Variants in CTNNA3 observed in about 807,000 individuals in gnomAD.
CTNNA3 encodes the protein catenin alpha-3.
A neutral mutation model predicts 95.7 loss-of-function variants in CTNNA3; 76 were observed. The observed-to-expected ratio is 0.79, with a 90% CI of 0.66 to 0.96. The LOEUF (loss-of-function observed/expected upper bound fraction) is 0.96. Ranked by LOEUF, CTNNA3 falls within the 40% of genes least tolerant of loss-of-function variation. The pLI is 0.00. For missense variants in CTNNA3, 1,191 were observed against 1,089.8 expected (o/e 1.09, Z -1.31); for synonymous variants, 431 against 374.4 (o/e 1.15, Z -1.74).
At chr10:67,279,683 C>G (rs1211448403) in intron 5 of CTNNA3, among the ~76,000 whole-genome samples, 1 of 150,354 alleles carries the variant, frequency 6.7e-6, no homozygotes, top group African/African-American at 2.5e-5. Context: ...GCTGACTCAG[C>G]CTTCAGCTTA....
intron 13 of CTNNA3, among the ~76,000 whole-genome samples, chr10:66,272,897 C>A (rs945538157): frequency 6.6e-6 from 1 of 152,096 alleles, no homozygotes; most frequent in South Asian, 2.1e-4. Context: ...GCCATCAGTC[C>A]GAACACATTT....
chr10:66,690,530 G>T, intron 9 of CTNNA3, among the ~76,000 whole-genome samples: 1 of 146,812 alleles, frequency 6.8e-6, no homozygotes, highest in African/African-American at 2.5e-5. Flanking sequence ...CTGTGTCCAC[G>T]TGTTCTCATC....
At chr10:67,236,026 G>T (rs1274860887) in intron 5 of CTNNA3, among the ~76,000 whole-genome samples, 1 of 145,932 alleles carries the variant, frequency 6.9e-6, no homozygotes, top group African/African-American at 2.6e-5. Context: ...TGCTGGAGAG[G>T]ATGTGGAGAA....
chr10:67,026,056 A>G (rs1480044538), intron 7 of CTNNA3, among the ~76,000 whole-genome samples: 1 of 149,938 alleles, frequency 6.7e-6, no homozygotes, highest in East Asian at 2.0e-4. Context: ...GGAATTGAAC[A>G]ATGAGAACAC....
intron 13 of CTNNA3, among the ~76,000 whole-genome samples, chr10:66,144,225 T>C (rs1346215808): frequency 6.6e-6 from 1 of 152,218 alleles, no homozygotes; most frequent in Non-Finnish European, 1.5e-5. Flanking sequence ...TCATGCATTT[T>C]TTCTTAAATT....
chr10:66,979,512 G>A (rs1378072024), intron 7 of CTNNA3, among the ~76,000 whole-genome samples: 3 of 152,126 alleles, frequency 2.0e-5, no homozygotes, highest in South Asian at 2.1e-4. Flanking sequence ...GGCCCAGGGT[G>A]CAGACTCAGG....
At chr10:67,137,339 T>C (rs1475842302) in intron 7 of CTNNA3, among the ~76,000 whole-genome samples, 1 of 152,202 alleles carries the variant, frequency 6.6e-6, no homozygotes, top group African/African-American at 2.4e-5. Flanking sequence ...CTTGGATTGC[T>C]CTTACACAGT....
rs1323106789 is a variant in CTNNA3, at chr10:66,427,206, T to C, written c.1532-47854A>G. 3.3e-5 allele frequency among the ~76,000 whole-genome samples: 5 copies of C among 151,974 alleles called. No individual in the cohort carries two copies. The South Asian group carries it at 1.0e-3, about 32-fold the overall frequency. ...CTGAGAAAATTTTGAATCATGGAGG[T>C]AAACACAAGCAAAAACTCCACATTG... On this transcript the variant is annotated intron_variant, in intron 11 of 17. Coordinates refer to ENST00000433211, the MANE Select transcript of CTNNA3 (RefSeq NM_013266.4).
intron 15 of CTNNA3, among the ~76,000 whole-genome samples, chr10:66,057,312 C>G (rs1032469721): frequency 1.3e-5 from 2 of 152,168 alleles, no homozygotes; most frequent in Non-Finnish European, 2.9e-5. Context: ...TCACACGATA[C>G]AGAACCGGTC....
At chr10:66,061,984 T>A (rs7900530) in intron 15 of CTNNA3, among the ~76,000 whole-genome samples, 93,305 of 151,952 alleles carry the variant, frequency 0.61, 28,701 homozygotes, top group East Asian at 0.71. Flanking sequence ...CAGGGTAAAG[T>A]CTTGTTGTAC....
At chr10:67,739,688 G>C (rs867671136) in intron 1 of CTNNA3, among the ~76,000 whole-genome samples, 217 of 152,136 alleles carry the variant, frequency 1.4e-3, no homozygotes, top group Middle Eastern at 0.01. Context: ...ACATTCCATG[G>C]TCATGGATAG....
intron 5 of CTNNA3, among the ~76,000 whole-genome samples, chr10:67,232,660 A>C (rs1314756421): frequency 1.3e-5 from 2 of 151,766 alleles, no homozygotes; most frequent in Non-Finnish European, 2.9e-5. Context: ...ACACATAACA[A>C]TATTAACTTT....
At chr10:67,604,022 ATACT>A (rs1416231771) in intron 3 of CTNNA3, among the ~76,000 whole-genome samples, 2 of 152,176 alleles carry the variant, frequency 1.3e-5, no homozygotes, top group Non-Finnish European at 2.9e-5. Context: ...AGATATACAA[ATACT>A]TACCGCTATG....
intron 5 of CTNNA3, among the ~76,000 whole-genome samples, chr10:67,231,980 G>A (rs558361161): frequency 2.0e-5 from 3 of 152,242 alleles, no homozygotes; most frequent in Admixed American, 6.5e-5. Flanking sequence ...AAAAAGAAAC[G>A]AGCAAAGCCT....
chr10:66,588,720 T>C (rs1418640308), intron 10 of CTNNA3, among the ~76,000 whole-genome samples: 1 of 152,128 alleles, frequency 6.6e-6, no homozygotes, highest in African/African-American at 2.4e-5. Context: ...AATACCAGCA[T>C]ATTTGGATGG....
rs549287818 is a variant in CTNNA3, at chr10:66,550,295, C to T, written c.1375-29522G>A. Among the ~76,000 whole-genome samples the T allele has an allele frequency of 1.2e-3, 187 of 152,118 alleles. 1 individual carries two copies. Among genetic ancestry groups the T allele is most frequent in the African/African-American group, 4.2e-3 (176 of 41,516 alleles). On this transcript the variant is annotated intron_variant, in intron 10 of 17. Coordinates refer to ENST00000433211, the MANE Select transcript of CTNNA3 (RefSeq NM_013266.4). ...TCCATGATATATCATTTTCTTTTTA[C>T]TTACCTTCAGTCTGTCTTTATAGAT...
At chr10:66,571,473 T>C (rs527789019) in intron 10 of CTNNA3, among the ~76,000 whole-genome samples, 1 of 152,278 alleles carries the variant, frequency 6.6e-6, no homozygotes, top group African/African-American at 2.4e-5. Flanking sequence ...GGAAATTGGC[T>C]TAGAAGAGTT....
intron 7 of CTNNA3, among the ~76,000 whole-genome samples, chr10:67,000,381 C>T (rs983588699): frequency 6.6e-6 from 1 of 152,150 alleles, no homozygotes; most frequent in Non-Finnish European, 1.5e-5. Context: ...GGCGAATTGG[C>T]ACAAGAAGGT....
At chr10:67,122,175 G>A (rs1341273329) in intron 7 of CTNNA3, among the ~76,000 whole-genome samples, 1 of 151,830 alleles carries the variant, frequency 6.6e-6, no homozygotes, top group Non-Finnish European at 1.5e-5. Flanking sequence ...TAAGCAAGCA[G>A]ACTCTACATA....
Sources: gnomAD v4.1 joint callset for allele counts (sites outside exome capture counted in the v4.1 genomes callset) on GRCh38, gnomAD v4.1.1 for gene constraint, MANE v1.5 for transcripts, NCBI Gene and HGNC (gene_info 2026-07-23, HGNC 2026-07-21) for gene names.